The following WIPF2 variants were observed in gnomAD, a reference collection of about 807,000 sequenced individuals.
WIPF2 encodes WAS/WASL-interacting protein family member 2.
WIPF2 carries 23 observed loss-of-function variants against 38.8 expected under a neutral mutation model. The observed-to-expected ratio is 0.59, with a 90% CI of 0.43 to 0.84. The LOEUF (loss-of-function observed/expected upper bound fraction) is 0.84, where lower values mean the gene tolerates loss of function less well. Among genes scored for constraint, WIPF2 ranks in the 40% least tolerant of loss-of-function variants. The pLI is 0.00. For missense variants in WIPF2, 574 were observed against 580.5 expected (o/e 0.99, Z 0.11); for synonymous variants, 210 against 223.2 (o/e 0.94, Z 0.53).
intron 7 of WIPF2, among the ~76,000 whole-genome samples, chr17:40,277,874 G>C (rs1037475657): frequency 2.0e-5 from 3 of 151,862 alleles, no homozygotes; most frequent in Non-Finnish European, 2.9e-5. Context: ...TTATAGGCGT[G>C]TGCCACCATG....
intron 1 of WIPF2, among the ~76,000 whole-genome samples, chr17:40,222,352 G>A (rs552781346): frequency 5.3e-5 from 8 of 151,168 alleles, no homozygotes; most frequent in South Asian, 4.2e-4. Flanking sequence ...GCGCCTGGCC[G>A]ACCTGTCTCT....
At position 40,252,293 on chromosome 17, in the gene WIPF2, T is replaced by G. The variant is rs138297959; in HGVS notation, c.-69-4098T>G. On this transcript the variant is annotated intron_variant, in intron 1 of 7. Transcript: ENST00000323571. ...GGATCACCTATGGACATGGAAAGAG[T>G]AAAGGACTTGTCTGAGTCTTTTTTG... Among the ~76,000 whole-genome samples the G allele has an allele frequency of 1.8e-3, 267 of 152,230 alleles. 4 individuals are homozygous for G. The highest frequency in any genetic ancestry group is 6.0e-3 in the African/African-American group (251 of 41,552).
In WIPF2 at chr17:40,266,861, A is replaced by G. The variant is rs1254570746; in HGVS notation, c.970+1715A>G. ...AAAAGGGTTGGCCTTAGATAGGAAC[A>G]TAGTTCTTCCATAGTAACAAGAGGG... On this transcript the variant is annotated intron_variant, in intron 5 of 7. Coordinates refer to ENST00000323571, the MANE Select transcript of WIPF2 (RefSeq NM_133264.5). 2.6e-5 allele frequency among the ~76,000 whole-genome samples: 4 copies of G among 152,308 alleles called. No homozygotes were observed. In the East Asian group the frequency reaches 7.7e-4, roughly 29 times the overall value.
chr17:40,261,487 CG>C lies in WIPF2; in HGVS notation c.196+824del, dbSNP rs896732489. 1.3e-4 allele frequency among the ~76,000 whole-genome samples: 19 copies of C among 151,394 alleles called. 1 individual carries two copies. The highest frequency in any genetic ancestry group is 4.6e-4 in the African/African-American group (19 of 41,272). On this transcript the variant is annotated intron_variant, in intron 3 of 7. Coordinates refer to ENST00000323571, the MANE Select transcript of WIPF2 (RefSeq NM_133264.5). ...TAATTTTTTGTATTTTTAGTAGAGA[CG>C]GGGTTTCACCATGTTGGCCAGGCTG...
chr17:40,270,668 A>T (rs1467783233), intron 5 of WIPF2, among the ~76,000 whole-genome samples: 2 of 152,150 alleles, frequency 1.3e-5, no homozygotes, highest in Non-Finnish European at 2.9e-5. Context: ...TGAGGGCTTA[A>T]AGAAGCTTCT....
chr17:40,277,249 A>C, intron 7 of WIPF2, 65 bp downstream of exon 7: 1 of 1,454,812 alleles, frequency 6.9e-7, no homozygotes, highest in African/African-American at 1.4e-5. Context: ...GCATTTTCTT[A>C]GGTTAAAATT....
chr17:40,234,062 T>C (rs934175474), intron 1 of WIPF2, among the ~76,000 whole-genome samples: 3 of 149,324 alleles, frequency 2.0e-5, no homozygotes, highest in Non-Finnish European at 3.0e-5. Flanking sequence ...AAACTCCATC[T>C]CAAAAAATAA....
At position 40,262,303 on chromosome 17, in the gene WIPF2, G is replaced by A. The variant is rs184364361; in HGVS notation, c.197-222G>A. 1.3e-3 allele frequency among the ~76,000 whole-genome samples: 193 copies of A among 151,790 alleles called. 1 individual carries two copies. Among genetic ancestry groups the A allele is most frequent in the African/African-American group, 4.2e-3 (174 of 41,394 alleles). On this transcript the variant is annotated intron_variant, in intron 3 of 7. Coordinates refer to ENST00000323571, the MANE Select transcript of WIPF2 (RefSeq NM_133264.5). ...CTACTATATTGCCTAGGCTGCTCTC[G>A]AACTCCTGAGCTTAAGTGATCCTCC...
In WIPF2 at chr17:40,262,615, G is replaced by A. The variant is rs150747102; in HGVS notation, c.287G>A (p.Arg96Gln). 7.3e-5 allele frequency: 118 copies of A among 1,613,682 alleles called. No homozygotes were observed. The highest frequency in any genetic ancestry group is 9.5e-5 in the Non-Finnish European group (112 of 1,179,828). Residue 96 changes from arginine (R) to glutamine (Q), a missense_variant, in exon 4 of 8, where the codon CGA becomes CAA. By Grantham distance (43) the Arg-to-Gln change is conservative. Coordinates refer to ENST00000323571, the MANE Select transcript of WIPF2 (RefSeq NM_133264.5). ...TTCCAAGGAGGAGTGCTGAAGCTTC[G>A]ACCTGTGGGAGCCAAGGATGGTTCA... Reference protein sequence around the residue: ...GLFQGGVLKLRPVGAKDGSEN... With the variant: ...GLFQGGVLKLQPVGAKDGSEN...
At chr17:40,266,490 T>G (rs1389123469) in intron 5 of WIPF2, among the ~76,000 whole-genome samples, 1 of 152,150 alleles carries the variant, frequency 6.6e-6, no homozygotes, top group African/African-American at 2.4e-5. Flanking sequence ...TTGAGTAGTT[T>G]CAGTGGAGTG....
chr17:40,220,782 T>G (rs1317572777), intron 1 of WIPF2, among the ~76,000 whole-genome samples: 1 of 146,584 alleles, frequency 6.8e-6, no homozygotes, highest in Non-Finnish European at 1.5e-5. Context: ...ATTCGTTTTT[T>G]TTTTTTTTTT....
intron 1 of WIPF2, among the ~76,000 whole-genome samples, chr17:40,252,533 A>C (rs2031591472): frequency 6.6e-6 from 1 of 151,894 alleles, no homozygotes; most frequent in African/African-American, 2.4e-5. Context: ...GTGTGGTGGC[A>C]TGCGCCTGTA....
chr17:40,240,096 C>T (rs1237969753), intron 1 of WIPF2, among the ~76,000 whole-genome samples: 1 of 150,812 alleles, frequency 6.6e-6, no homozygotes, highest in Non-Finnish European at 1.5e-5. Context: ...GAGTCTTGCT[C>T]TGTTGCCCGG....
chr17:40,261,247 G>A (rs988029649), intron 3 of WIPF2, among the ~76,000 whole-genome samples: 2 of 151,692 alleles, frequency 1.3e-5, no homozygotes, highest in Non-Finnish European at 2.9e-5. Flanking sequence ...CCTTCTATCT[G>A]TCATCTGAGA....
At chr17:40,239,314 GC>G (rs2031098539) in intron 1 of WIPF2, among the ~76,000 whole-genome samples, 1 of 151,848 alleles carries the variant, frequency 6.6e-6, no homozygotes, top group East Asian at 1.9e-4. Context: ...CTCGTGATCC[GC>G]CCCCTTCAGC....
chr17:40,263,708 A>T (rs1243368805), intron 4 of WIPF2, among the ~76,000 whole-genome samples: 1 of 151,284 alleles, frequency 6.6e-6, no homozygotes, highest in Admixed American at 6.6e-5. Context: ...ACACCTGGCT[A>T]ATTTTTGTAG....
At chr17:40,233,688 C>T (rs1021730658) in intron 1 of WIPF2, among the ~76,000 whole-genome samples, 4 of 152,052 alleles carry the variant, frequency 2.6e-5, no homozygotes, top group Non-Finnish European at 5.9e-5. Context: ...GCCTGTAATC[C>T]CAGCACTTTA....
At chr17:40,248,684 G>T (rs966433064) in intron 1 of WIPF2, among the ~76,000 whole-genome samples, 18 of 152,174 alleles carry the variant, frequency 1.2e-4, no homozygotes, top group Admixed American at 9.2e-4. Flanking sequence ...GGGATCAGAA[G>T]AATTCCATTA....
intron 5 of WIPF2, chr17:40,273,548 GA>G: frequency 4.2e-6 from 2 of 479,630 alleles, no homozygotes; most frequent in Non-Finnish European, 7.3e-6. Flanking sequence ...GGAAAAGCAG[GA>G]AAAAAATCAA....
Sources: gnomAD v4.1 joint callset for allele counts (sites outside exome capture counted in the v4.1 genomes callset) on GRCh38, gnomAD v4.1.1 for gene constraint, MANE v1.5 for transcripts, NCBI Gene and HGNC (gene_info 2026-07-23, HGNC 2026-07-21) for gene names.